Variants in KCNT2 observed in about 807,000 individuals in gnomAD.
KCNT2 encodes potassium sodium-activated channel subfamily T member 2.
KCNT2 carries 67 observed loss-of-function variants against 153.8 expected under a neutral mutation model. The ratio of observed to expected loss-of-function variants is 0.44; its 90% CI spans 0.36 to 0.53. The LOEUF is 0.53. Among genes scored for constraint, KCNT2 ranks in the 20% least tolerant of loss-of-function variants. The pLI, the probability that KCNT2 is intolerant of heterozygous loss-of-function variation, is 0.00. For missense variants in KCNT2, 975 were observed against 1,354.8 expected, an observed-to-expected ratio of 0.72 and a Z score of 4.40; for synonymous variants, 500 against 458.8, an observed-to-expected ratio of 1.09 and a Z score of -1.15.
chr1:196,352,926 A>G (rs1319224805), intron 14 of KCNT2, among the ~76,000 whole-genome samples: 1 of 152,076 alleles, frequency 6.6e-6, no homozygotes, highest in Non-Finnish European at 1.5e-5. Context: ...GGTTTCAAAG[A>G]ACATCTTTAT....
intron 20 of KCNT2, among the ~76,000 whole-genome samples, chr1:196,317,675 T>C (rs766302080): frequency 3.3e-5 from 5 of 151,816 alleles, no homozygotes; most frequent in Non-Finnish European, 4.4e-5. Context: ...TATATATGCA[T>C]AGAAGTGAAG....
chr1:196,565,245 A>G (rs902780562), intron 1 of KCNT2, among the ~76,000 whole-genome samples: 6 of 151,936 alleles, frequency 3.9e-5, no homozygotes, highest in African/African-American at 1.4e-4. Context: ...ACAATGAGAT[A>G]TCACCTCATG....
chr1:196,599,613 G>A (rs1403989010), intron 1 of KCNT2, among the ~76,000 whole-genome samples: 6 of 152,232 alleles, frequency 3.9e-5, no homozygotes. Flanking sequence ...CTGATTGGAA[G>A]AGAGGTACAG....
intron 25 of KCNT2, among the ~76,000 whole-genome samples, chr1:196,266,784 A>T (rs1454708611): frequency 2.0e-5 from 3 of 152,208 alleles, no homozygotes; most frequent in Admixed American, 2.0e-4. Context: ...GTGGTTCCAC[A>T]TATTAAGGCC....
intron 26 of KCNT2, among the ~76,000 whole-genome samples, chr1:196,256,680 T>C (rs1656536057): frequency 6.6e-6 from 1 of 150,852 alleles, no homozygotes; most frequent in African/African-American, 2.4e-5. Context: ...TTCCTCAAGT[T>C]TGACAGTTTC....
chr1:196,457,924 G>A (rs1204728940), intron 8 of KCNT2, among the ~76,000 whole-genome samples: 3 of 151,824 alleles, frequency 2.0e-5, no homozygotes, highest in Non-Finnish European at 4.4e-5. Context: ...TCTTTGCAGT[G>A]ATAAAAACCA....
intron 1 of KCNT2, among the ~76,000 whole-genome samples, chr1:196,506,167 C>G (rs1055680387): frequency 2.6e-5 from 4 of 152,114 alleles, no homozygotes; most frequent in African/African-American, 9.7e-5. Context: ...AGAAGATGAG[C>G]ATGAGCTTCG....
intron 13 of KCNT2, among the ~76,000 whole-genome samples, chr1:196,389,988 T>C (rs1221626509): frequency 6.6e-6 from 1 of 151,612 alleles, no homozygotes; most frequent in Non-Finnish European, 1.5e-5. Flanking sequence ...GTTTTTAGCC[T>C]GGCTTTTAGA....
At position 196,340,322 on chromosome 1, in the gene KCNT2, C is replaced by A; in HGVS notation, c.1783+19G>T. Reference sequence around the variant, plus strand: ...TTTTAGAAATAAATTAATGATATTTCAAATTTGTTTATACTTACCCATGCT... The same window carrying A: ...TTTTAGAAATAAATTAATGATATTTAAAATTTGTTTATACTTACCCATGCT... On this transcript the variant is annotated intron_variant, in intron 16 of 27. Transcript: ENST00000294725. The A allele has an allele frequency of 7.6e-7, 1 of 1,316,186 alleles. No individual in the cohort carries two copies. The highest frequency in any genetic ancestry group is 1.0e-6 in the Non-Finnish European group (1 of 955,166). The allele number at this position is 1,316,186 out of a possible 1,614,324, so 81.5% of individuals were successfully genotyped here.
chr1:196,423,352 T>C (rs562271925), intron 11 of KCNT2, among the ~76,000 whole-genome samples: 1 of 151,892 alleles, frequency 6.6e-6, no homozygotes, highest in South Asian at 2.1e-4. Flanking sequence ...CAAAAGTTAA[T>C]AAAAGCCAAA....
At chr1:196,457,950 G>A (rs1376483988) in intron 8 of KCNT2, among the ~76,000 whole-genome samples, 3 of 151,766 alleles carry the variant, frequency 2.0e-5, no homozygotes, top group African/African-American at 7.3e-5. Flanking sequence ...AGAAGATAAG[G>A]CTCTGGGAAG....
intron 1 of KCNT2, among the ~76,000 whole-genome samples, chr1:196,569,077 T>C (rs1367519994): frequency 6.6e-6 from 1 of 152,176 alleles, no homozygotes; most frequent in African/African-American, 2.4e-5. Context: ...TTTCTTGATA[T>C]CTTAAATATC....
At chr1:196,599,005 G>A (rs1664409726) in intron 1 of KCNT2, among the ~76,000 whole-genome samples, 1 of 152,164 alleles carries the variant, frequency 6.6e-6, no homozygotes, top group East Asian at 1.9e-4. Flanking sequence ...GGTAAGAAAT[G>A]GAAACAAAAT....
At chr1:196,418,412 G>A (rs551580993) in intron 12 of KCNT2, among the ~76,000 whole-genome samples, 12 of 152,264 alleles carry the variant, frequency 7.9e-5, no homozygotes, top group African/African-American at 2.9e-4. Flanking sequence ...GTTGCAGTGA[G>A]CTGAGATTGT....
At chr1:196,516,432 A>G (rs980190195) in intron 1 of KCNT2, among the ~76,000 whole-genome samples, 1 of 151,730 alleles carries the variant, frequency 6.6e-6, no homozygotes, top group Admixed American at 6.6e-5. Context: ...CTCCATCAAG[A>G]TCTACAACAC....
intron 8 of KCNT2, among the ~76,000 whole-genome samples, chr1:196,439,651 T>C (rs1490829413): frequency 6.6e-6 from 1 of 152,022 alleles, no homozygotes; most frequent in African/African-American, 2.4e-5. Flanking sequence ...ATTTCCCTTT[T>C]GGGCATGCTG....
chr1:196,443,946 T>A (rs2148596024), intron 8 of KCNT2, among the ~76,000 whole-genome samples: 1 of 151,370 alleles, frequency 6.6e-6, no homozygotes, highest in African/African-American at 2.4e-5. Context: ...ATTTATAGAA[T>A]TACAGATAAT....
intron 12 of KCNT2, among the ~76,000 whole-genome samples, chr1:196,421,321 T>C (rs779510615): frequency 6.6e-6 from 1 of 152,012 alleles, no homozygotes; most frequent in African/African-American, 2.4e-5. Context: ...GAAGGTATTA[T>C]GTATTTATTT....
chr1:196,274,399 T>G lies in KCNT2; in HGVS notation c.2910+6461A>C, dbSNP rs997016266. ...AATATAAGAAATGCATAATAAACAT[T>G]TGATTGTGGGTTTCTTGAAACTATT... On this transcript the variant is annotated intron_variant, in intron 25 of 27. Coordinates refer to ENST00000294725, the MANE Select transcript of KCNT2 (RefSeq NM_198503.5). Among the ~76,000 whole-genome samples, 48 of 151,698 alleles carry G rather than the reference T, an allele frequency of 3.2e-4. 1 individual carries two copies. The highest frequency in any genetic ancestry group is 3.4e-3 in the Middle Eastern group (1 of 292).
Sources: gnomAD v4.1 joint callset for allele counts (sites outside exome capture counted in the v4.1 genomes callset) on GRCh38, gnomAD v4.1.1 for gene constraint, MANE v1.5 for transcripts, NCBI Gene and HGNC (gene_info 2026-07-23, HGNC 2026-07-21) for gene names.